Variants in NPR2 observed in about 807,000 individuals in gnomAD.
NPR2 encodes the protein atrial natriuretic peptide receptor 2.
Under a neutral mutation model 120.7 loss-of-function variants are expected in NPR2, and 49 were observed. The ratio of observed to expected loss-of-function variants is 0.41; its 90% CI spans 0.32 to 0.52. The LOEUF (loss-of-function observed/expected upper bound fraction) is 0.52, where lower values mean the gene tolerates loss of function less well. NPR2 is among the 20% of genes least tolerant of loss of function. NPR2 has a pLI of 0.36. For missense variants in NPR2, 931 were observed against 1,362.9 expected (o/e 0.68, Z 4.99); for synonymous variants, 484 against 519.8 (o/e 0.93, Z 0.94).
chr9:35,801,044 C>T (rs1446830628), intron 6 of NPR2, 26 bp from the exon 7 acceptor site: 1 of 1,602,488 alleles, frequency 6.2e-7, no homozygotes, highest in East Asian at 2.2e-5. Flanking sequence ...ACACAGTCTT[C>T]CTCAGGGTCT....
Position 35,800,907 on chromosome 9 carries a change from C to T in NPR2, c.1351+66C>T. On this transcript the variant is annotated intron_variant, in intron 6 of 21. Coordinates refer to ENST00000342694, the MANE Select transcript of NPR2 (RefSeq NM_003995.4). This position sits in a 1 kb window ranked among gnomAD's most constrained non-coding sequence, Gnocchi z 4.7. The stretch of plus-strand genomic sequence containing the variant: ...GCTTTCCATTCATGGCCTCCACCCT[C>T]ACTGACCCTCCACTCTTAACTGTGC... 1.9e-6 allele frequency: 3 copies of T among 1,603,564 alleles called. No homozygotes were observed. Among genetic ancestry groups the T allele is most frequent in the Non-Finnish European group, 2.6e-6 (3 of 1,170,420 alleles).
Position 35,802,483 on chromosome 9 carries a change from C to T in NPR2, c.1711-20C>T, listed in dbSNP as rs1828208339. The T allele has an allele frequency of 2.8e-6, 4 of 1,435,612 alleles. No homozygotes were observed. Among genetic ancestry groups the T allele is most frequent in the Non-Finnish European group, 2.0e-6 (2 of 1,017,348 alleles). The allele number at this position is 1,435,612 out of a possible 1,614,324, so 88.9% of individuals were successfully genotyped here. A position where few individuals can be genotyped will look rare whatever the true frequency, so the allele number is the denominator to read the frequency against. ...AACTCTTTCAATTTTCTTATCCTTCCCATTGTTTTTTTCTGCCAGATGAGA... is the reference window on the plus strand; with the variant it reads ...AACTCTTTCAATTTTCTTATCCTTCTCATTGTTTTTTTCTGCCAGATGAGA... On this transcript the variant is annotated intron_variant, in intron 10 of 21. Transcript: ENST00000342694. This position sits in a 1 kb window ranked among gnomAD's most constrained non-coding sequence, Gnocchi z 4.2.
intron 2 of NPR2, among the ~76,000 whole-genome samples, chr9:35,799,157 T>C (rs1563986363): frequency 6.6e-6 from 1 of 152,168 alleles, no homozygotes; most frequent in Admixed American, 6.5e-5. Context: ...ACATTAACAG[T>C]GATTAACATC....
Position 35,802,819 on chromosome 9 carries a change from T to G in NPR2, c.1887+16T>G. 6.5e-7 allele frequency: 1 copy of G among 1,537,826 alleles called. No homozygotes were observed. Among genetic ancestry groups the G allele is most frequent in the Non-Finnish European group, 9.0e-7 (1 of 1,111,074 alleles). On this transcript the variant is annotated intron_variant, in intron 12 of 21. Transcript: ENST00000342694. The surrounding 1 kb of genome is among the most constrained non-coding windows in gnomAD (Gnocchi z 4.2). ...CCTTGTTAAGGTGAGTCTTCCCCAC[T>G]CCTTAAAAGTTCATCCACTTTAAAT...
intron 2 of NPR2, among the ~76,000 whole-genome samples, chr9:35,799,405 T>C (rs763274709): frequency 1.3e-5 from 2 of 150,088 alleles, no homozygotes; most frequent in Admixed American, 6.6e-5. Context: ...TCTTCCCAGA[T>C]GTATGCAACA....
Position 35,802,903 on chromosome 9 carries a change from T to C in NPR2, c.1887+100T>C, listed in dbSNP as rs1251062271. On this transcript the variant is annotated intron_variant, in intron 12 of 21. Coordinates refer to ENST00000342694, the MANE Select transcript of NPR2 (RefSeq NM_003995.4). This position sits in a 1 kb window ranked among gnomAD's most constrained non-coding sequence, Gnocchi z 4.2. ...CTTCTAGTCCTCTGAAGTCCTGTTC[T>C]CTCATCTCCCCTTATTCCCATGGTC... The C allele has an allele frequency of 1.1e-5, 9 of 826,502 alleles. No homozygotes were observed. Among genetic ancestry groups the C allele is most frequent in the Admixed American group, 1.7e-5 (1 of 57,838 alleles). 51.2% of individuals were successfully genotyped at this position (826,502 alleles called of 1,614,324 possible).
rs1294014230 is a variant in NPR2 at position 35,806,257 on chromosome 9, G to A, written c.2372+24G>A. On this transcript the variant is annotated intron_variant, in intron 15 of 21. Transcript: ENST00000342694. This position sits in a 1 kb window ranked among gnomAD's most constrained non-coding sequence, Gnocchi z 4.6. ...AAGTGAGAGGGCATTATGGGGCAGG[G>A]GCTTCCCAGGGATAGAAGACTCATT... 3 of 1,613,952 alleles carry A rather than the reference G, an allele frequency of 1.9e-6. No homozygotes were observed. The highest frequency in any genetic ancestry group is 2.2e-5 in the East Asian group (1 of 44,868).
rs1332846561 is a variant in NPR2, at chr9:35,791,652, C to A, written c.-757C>A. ...ACGGGCCGGGCCGAGGCGACCTGACCCGGACGAGCGGCGCGCGCGGGGCCC... is the reference window on the plus strand; with the variant it reads ...ACGGGCCGGGCCGAGGCGACCTGACACGGACGAGCGGCGCGCGCGGGGCCC... On this transcript the variant is annotated 5_prime_UTR_variant, in exon 1 of 22. Coordinates refer to ENST00000342694, the MANE Select transcript of NPR2 (RefSeq NM_003995.4). 7.7e-6 allele frequency among the ~76,000 whole-genome samples: 1 copy of A among 130,648 alleles called. No individual in the cohort carries two copies. Among genetic ancestry groups the A allele is most frequent in the Non-Finnish European group, 1.6e-5 (1 of 63,336 alleles). 85.7% of individuals were successfully genotyped at this position (130,648 alleles called of 152,430 possible). A position where few individuals can be genotyped will look rare whatever the true frequency, so the allele number is the denominator to read the frequency against.
In NPR2 at chr9:35,808,728, A is replaced by T. The variant is rs371131262; in HGVS notation, c.2888-27A>T. On this transcript the variant is annotated intron_variant, in intron 19 of 21. Coordinates refer to ENST00000342694, the MANE Select transcript of NPR2 (RefSeq NM_003995.4). This position sits in a 1 kb window ranked among gnomAD's most constrained non-coding sequence, Gnocchi z 4.0. The stretch of plus-strand genomic sequence containing the variant: ...CAGCCCTAGTCTCCACCTTTCCCAG[A>T]CTCTCCCAACCTGTTTCTTCTCAAA... 3.1e-6 allele frequency: 5 copies of T among 1,611,598 alleles called. No homozygotes were observed. The highest frequency in any genetic ancestry group is 4.2e-6 in the Non-Finnish European group (5 of 1,178,344).
At chr9:35,801,861 C>T (rs1828178317) in intron 8 of NPR2, 65 bp from the exon 9 acceptor site, 1 of 1,600,002 alleles carries the variant, frequency 6.2e-7, no homozygotes, top group Non-Finnish European at 8.6e-7. Flanking sequence ...ATGATAGCCC[C>T]TGCACTACCA....
chr9:35,799,519 A>G (rs1828064564), intron 2 of NPR2, 99 bp from the exon 3 acceptor site: 3 of 853,054 alleles, frequency 3.5e-6, no homozygotes, highest in Non-Finnish European at 6.1e-6. Flanking sequence ...TATATTTTAT[A>G]TCATGTATAT....
At position 35,798,614 on chromosome 9, in the gene NPR2, C is replaced by T. The variant is rs145956672; in HGVS notation, c.874-1004C>T. On this transcript the variant is annotated intron_variant, in intron 2 of 21. Transcript: ENST00000342694. ...AATAAACAAAACTGGGAGAAATGACCGGATTTTAAATTATCATTTCACAAA... is the reference window on the plus strand; with the variant it reads ...AATAAACAAAACTGGGAGAAATGACTGGATTTTAAATTATCATTTCACAAA... Among the ~76,000 whole-genome samples, 16 of 152,260 alleles carry T rather than the reference C, an allele frequency of 1.1e-4. No individual in the cohort carries two copies. The East Asian group carries it at 2.1e-3, about 20-fold the overall frequency.
chr9:35,800,285 C>CT lies in NPR2; in HGVS notation c.1124-103dup, dbSNP rs1828100862. On this transcript the variant is annotated intron_variant, in intron 4 of 21. Coordinates refer to ENST00000342694, the MANE Select transcript of NPR2 (RefSeq NM_003995.4). The surrounding 1 kb of genome is among the most constrained non-coding windows in gnomAD (Gnocchi z 4.7). ...GTGAATATGGCAGAGTTGCCCACAC[C>CT]TCAAGATCGGGGAAGGGTAGACTCT... 1 of 1,416,548 alleles carries CT rather than the reference C, an allele frequency of 7.1e-7. No homozygotes were observed. Among genetic ancestry groups the CT allele is most frequent in the Non-Finnish European group, 1.0e-6 (1 of 999,980 alleles). 87.7% of individuals were successfully genotyped at this position (1,416,548 alleles called of 1,614,324 possible).
Position 35,802,717 on chromosome 9 carries a change from C to T in NPR2, c.1816-15C>T. 6.3e-7 allele frequency: 1 copy of T among 1,599,386 alleles called. No individual in the cohort carries two copies. Among genetic ancestry groups the T allele is most frequent in the Non-Finnish European group, 8.6e-7 (1 of 1,166,514 alleles). On this transcript the variant is annotated splice_polypyrimidine_tract_variant and intron_variant, in intron 11 of 21. Coordinates refer to ENST00000342694, the MANE Select transcript of NPR2 (RefSeq NM_003995.4). This position sits in a 1 kb window ranked among gnomAD's most constrained non-coding sequence, Gnocchi z 4.2. ...TGGGACCAGGACAGACAGTCTATTCCATGTCACTTACCAGGATATTCTAGA... is the reference window on the plus strand; with the variant it reads ...TGGGACCAGGACAGACAGTCTATTCTATGTCACTTACCAGGATATTCTAGA...
In NPR2 at chr9:35,800,725, C is replaced by T. The variant is rs764017328; in HGVS notation, c.1235C>T (p.Ser412Leu). Residue 412 changes from serine (S) to leucine (L), a missense_variant, in exon 6 of 22, where the codon TCG (serine) becomes TTG (leucine). Physicochemically the swap from Ser to Leu is moderately radical, Grantham distance 145 (BLOSUM62 -2). Transcript: ENST00000342694. This position sits in a 1 kb window ranked among gnomAD's most constrained non-coding sequence, Gnocchi z 4.7. ...TCCTTACAGCCTGCAGCCCACTACT[C>T]GGGAGCTGAGAAGCAGATTTGGTGG... ...SGDFQPAAHY[S>L]GAEKQIWWTG... The T allele has an allele frequency of 1.2e-5, 20 of 1,614,046 alleles. No individual in the cohort carries two copies. The East Asian group carries it at 1.3e-4, about 11-fold the overall frequency.
intron 2 of NPR2, among the ~76,000 whole-genome samples, chr9:35,796,366 A>T (rs1175660176): frequency 6.6e-6 from 1 of 152,070 alleles, no homozygotes; most frequent in Non-Finnish European, 1.5e-5. Context: ...TTTATTTTTT[A>T]TAGAGATGGG....
At chr9:35,799,444 A>T (rs200519956) in intron 2 of NPR2, among the ~76,000 whole-genome samples, 174 bp from the exon 3 acceptor site, 5 of 148,986 alleles carry the variant, frequency 3.4e-5, no homozygotes, top group African/African-American at 1.3e-4. Context: ...ACACACACAC[A>T]CGCACACACA....
rs763488261 is a variant in NPR2 at position 35,806,122 on chromosome 9, G to A, written c.2261G>A (p.Arg754Gln). ...QRPYFRPSID[R>Q]TQLNEELVLL... ...CCATATTTCCGGCCAAGCATTGACC[G>A]GACCCAACTGAATGAAGAGCTAGTT... Residue 754 changes from arginine (R) to glutamine (Q), a missense_variant, in exon 15 of 22, where the codon CGG becomes CAG. Physicochemically the swap from Arg to Gln is conservative, Grantham distance 43. Coordinates refer to ENST00000342694, the MANE Select transcript of NPR2 (RefSeq NM_003995.4). This position sits in a 1 kb window ranked among gnomAD's most constrained non-coding sequence, Gnocchi z 4.6. 1.3e-5 allele frequency: 21 copies of A among 1,614,186 alleles called. No individual in the cohort carries two copies. Among genetic ancestry groups the A allele is most frequent in the South Asian group, 8.8e-5 (8 of 91,086 alleles).
At position 35,799,718 on chromosome 9, in the gene NPR2, T is replaced by C. The variant is rs1368356207; in HGVS notation, c.974T>C (p.Leu325Pro). ...GCCCGGGAAGACTTTGGTGTGGAGCTGGGCCCTTCCCTGGTAAGTAGATCT... is the reference window on the plus strand; with the variant it reads ...GCCCGGGAAGACTTTGGTGTGGAGCCGGGCCCTTCCCTGGTAAGTAGATCT... ...IRAREDFGVE[L>P]GPSLMNLIAG... Residue 325 changes from leucine to proline, a missense_variant, in exon 3 of 22, where the codon CTG becomes CCG. Leu to Pro is a moderately conservative substitution (Grantham distance 98). Around this residue, in one of 3 missense-constraint regions of NPR2, gnomAD observed 681 missense variants for 974.3 expected, o/e 0.70. Transcript: ENST00000342694. 1 of 1,613,504 alleles carries C rather than the reference T, an allele frequency of 6.2e-7. No homozygotes were observed. Among genetic ancestry groups the C allele is most frequent in the Non-Finnish European group, 8.5e-7 (1 of 1,179,600 alleles).
Sources: gnomAD v4.1 joint callset for allele counts (sites outside exome capture counted in the v4.1 genomes callset) on GRCh38, gnomAD v4.1.1 for gene constraint, gnomAD v4.1.1 regional missense constraint, Gnocchi (gnomAD v3.1) non-coding constraint, MANE v1.5 for transcripts, NCBI Gene and HGNC (gene_info 2026-07-23, HGNC 2026-07-21) for gene names.